Variants in ARK2N observed in about 807,000 individuals in gnomAD.
ARK2N encodes the protein protein ARK2N.
chr18:46,261,691 C>A, the ARK2N span, among the ~76,000 whole-genome samples: 659 of 152,308 alleles, frequency 4.3e-3, 3 homozygotes, highest in African/African-American at 0.015. Context: ...CATAGCCCAT[C>A]TCTGGACAGA....
At chr18:46,193,000 C>A in the ARK2N span, among the ~76,000 whole-genome samples, 2 of 151,624 alleles carry the variant, frequency 1.3e-5, no homozygotes, top group African/African-American at 4.8e-5. Flanking sequence ...AGTTTGAGAC[C>A]AGTCTGGCCA....
the ARK2N span, among the ~76,000 whole-genome samples, chr18:46,195,457 C>G: frequency 2.0e-5 from 3 of 151,030 alleles, no homozygotes; most frequent in Admixed American, 2.0e-4. Flanking sequence ...TGATGTTACC[C>G]AGGCTGGTCT....
the ARK2N span, chr18:46,217,541 T>A: frequency 2.0e-5 from 3 of 152,340 alleles, no homozygotes; most frequent in South Asian, 6.2e-4. Flanking sequence ...TTTCTCTCCC[T>A]GTTTTCTGAA....
At chr18:46,191,358 T>TG in the ARK2N span, among the ~76,000 whole-genome samples, 33 of 152,078 alleles carry the variant, frequency 2.2e-4, no homozygotes, top group African/African-American at 7.7e-4. Flanking sequence ...AATTTTTTTT[T>TG]TTTTGGTAGA....
At chr18:46,228,668 C>G in the ARK2N span, 448 of 395,606 alleles carry the variant, frequency 1.1e-3, 3 homozygotes, top group Admixed American at 0.015. Context: ...TCACTGTAAC[C>G]TCTGCCTCCC....
At chr18:46,194,352 G>A in the ARK2N span, among the ~76,000 whole-genome samples, 2 of 152,034 alleles carry the variant, frequency 1.3e-5, no homozygotes, top group African/African-American at 2.4e-5. Context: ...TGTAATCCCA[G>A]CACCTTGGGA....
chr18:46,196,387 G>A, the ARK2N span, among the ~76,000 whole-genome samples: 8 of 151,732 alleles, frequency 5.3e-5, no homozygotes, highest in African/African-American at 1.2e-4. Flanking sequence ...TCAGCCTCCC[G>A]AGTAGCTGGG....
At chr18:46,248,186 G>A in the ARK2N span, among the ~76,000 whole-genome samples, 1 of 152,224 alleles carries the variant, frequency 6.6e-6, no homozygotes, top group South Asian at 2.1e-4. Context: ...CATGAGGATG[G>A]AGATGAGTAA....
At chr18:46,243,848 G>A in the ARK2N span, among the ~76,000 whole-genome samples, 1 of 152,198 alleles carries the variant, frequency 6.6e-6, no homozygotes, top group Non-Finnish European at 1.5e-5. Flanking sequence ...GAAATACAGT[G>A]TGTTTACTAC....
chr18:46,215,981 CTGTAGAACTGGAATCTCAAGTTCAGAA>C, the ARK2N span: 2 of 1,614,106 alleles, frequency 1.2e-6, no homozygotes, highest in Non-Finnish European at 1.7e-6. Context: ...GAAGATGGAT[CTGTAGAACTGGAATCTCAAGTTCAGAA>C]AGATGGTGTA....
the ARK2N span, chr18:46,217,393 A>G: frequency 6.6e-6 from 1 of 152,244 alleles, no homozygotes; most frequent in African/African-American, 2.4e-5. Context: ...AATTCTTATT[A>G]TCCAAGAGAT....
the ARK2N span, among the ~76,000 whole-genome samples, chr18:46,175,690 A>T: frequency 6.6e-6 from 1 of 151,998 alleles, no homozygotes; most frequent in African/African-American, 2.4e-5. Context: ...TTTAGTAGAG[A>T]CGGGGTTTTA....
chr18:46,230,749 G>A, the ARK2N span, among the ~76,000 whole-genome samples: 1 of 152,146 alleles, frequency 6.6e-6, no homozygotes, highest in African/African-American at 2.4e-5. Context: ...GCCGAATGTT[G>A]TAAAAAGAAT....
At chr18:46,175,596 T>C in the ARK2N span, among the ~76,000 whole-genome samples, 1 of 149,912 alleles carries the variant, frequency 6.7e-6, no homozygotes, top group Admixed American at 6.6e-5. Context: ...AAAAAACACA[T>C]GGTTCAAGCA....
the ARK2N span, among the ~76,000 whole-genome samples, chr18:46,194,114 G>A: frequency 1.3e-5 from 2 of 151,960 alleles, no homozygotes; most frequent in Admixed American, 1.3e-4. Flanking sequence ...TACATGCCTG[G>A]CTAATTTTTA....
the ARK2N span, among the ~76,000 whole-genome samples, chr18:46,180,481 C>T: frequency 6.6e-6 from 1 of 151,502 alleles, no homozygotes; most frequent in East Asian, 2.0e-4. Flanking sequence ...CCGAGGCGGG[C>T]GGATCACCTG....
At chr18:46,174,483 G>C in the ARK2N span, among the ~76,000 whole-genome samples, 1 of 152,084 alleles carries the variant, frequency 6.6e-6, no homozygotes, top group Admixed American at 6.5e-5. Flanking sequence ...TAGCGGGCCT[G>C]GCTGGTGGGC....
chr18:46,198,213 A>G, the ARK2N span, among the ~76,000 whole-genome samples: 1 of 151,256 alleles, frequency 6.6e-6, no homozygotes, highest in South Asian at 2.1e-4. Flanking sequence ...AGGCACGAGA[A>G]TCACAGAATC....
the ARK2N span, among the ~76,000 whole-genome samples, chr18:46,188,786 G>C: frequency 2.0e-5 from 3 of 152,188 alleles, no homozygotes; most frequent in African/African-American, 7.2e-5. Flanking sequence ...GCAGAGGCCG[G>C]GGGATCACTT....
Sources: gnomAD v4.1 joint callset for allele counts (sites outside exome capture counted in the v4.1 genomes callset) on GRCh38, gnomAD v4.1.1 for gene constraint, MANE v1.5 for transcripts, NCBI Gene and HGNC (gene_info 2026-07-23, HGNC 2026-07-21) for gene names.